The following ANK3 variants were observed in gnomAD, a reference collection of about 807,000 sequenced individuals.
ANK3 encodes the protein ankyrin 3.
Under a neutral mutation model 370.9 loss-of-function variants are expected in ANK3, and 57 were observed. That is an observed-to-expected ratio of 0.15 (90% confidence interval 0.12 to 0.19). The LOEUF is 0.19. ANK3 is among the 10% of genes least tolerant of loss of function. The pLI is 1.00. For missense variants in ANK3, 4,439 were observed against 5,302.1 expected (o/e 0.84, Z 5.06); for synonymous variants, 1,929 against 1,946.3 (o/e 0.99, Z 0.23).
chr10:60,402,960 G>A (rs184036068), intron 2 of ANK3, among the ~76,000 whole-genome samples: 1 of 152,168 alleles, frequency 6.6e-6, no homozygotes, highest in East Asian at 1.9e-4. Context: ...GCAAGTAACT[G>A]ATACCAAAAA....
chr10:60,555,266 GT>G (rs1168933739), intron 2 of ANK3, among the ~76,000 whole-genome samples: 1 of 152,104 alleles, frequency 6.6e-6, no homozygotes, highest in Non-Finnish European at 1.5e-5. Flanking sequence ...GAGGCCAGGA[GT>G]TCGGGGCCAG....
At chr10:60,158,997 T>A (rs982452102) in intron 23 of ANK3, among the ~76,000 whole-genome samples, 1 of 151,932 alleles carries the variant, frequency 6.6e-6, no homozygotes, top group Non-Finnish European at 1.5e-5. Flanking sequence ...ATCACTTTTA[T>A]ACAAAGAAAG....
rs142964077 is a variant in ANK3 at position 60,239,810 on chromosome 10, T to G, written c.799-5024A>C. Among the ~76,000 whole-genome samples the G allele has an allele frequency of 2.9e-3, 441 of 151,954 alleles. 3 individuals are homozygous for G. Among genetic ancestry groups the G allele is most frequent in the African/African-American group, 0.01 (423 of 41,450 alleles). On this transcript the variant is annotated intron_variant, in intron 7 of 43. Coordinates refer to ENST00000280772, the MANE Select transcript of ANK3 (RefSeq NM_020987.5). The stretch of plus-strand genomic sequence containing the variant: ...TAAAACGTATGACAACAACCACACA[T>G]AGATGAAAAGGAGAAACTGGAACTA...
At chr10:60,157,053 T>TTTC (rs1238314876) in intron 23 of ANK3, among the ~76,000 whole-genome samples, 2 of 151,386 alleles carry the variant, frequency 1.3e-5, no homozygotes, top group African/African-American at 4.9e-5. Context: ...TTTTTTTTTT[T>TTTC]CGAGATAGAG....
chr10:60,698,861 C>T (rs113254466), intron 1 of ANK3, among the ~76,000 whole-genome samples: 2,720 of 149,426 alleles, frequency 0.018, 78 homozygotes, highest in African/African-American at 0.063. Flanking sequence ...ATGTAACTAA[C>T]GTGCACATTG....
chr10:60,228,525 G>A (rs531539613), intron 8 of ANK3, among the ~76,000 whole-genome samples: 43 of 121,966 alleles, frequency 3.5e-4, no homozygotes, highest in Admixed American at 3.1e-3. Flanking sequence ...GAGTGAGACT[G>A]TGTCTCCAAA....
intron 2 of ANK3, among the ~76,000 whole-genome samples, chr10:60,466,847 T>C (rs910035203): frequency 2.0e-5 from 3 of 152,128 alleles, no homozygotes; most frequent in Non-Finnish European, 4.4e-5. Flanking sequence ...TATGTGAAAT[T>C]TGCATAATAA....
chr10:60,237,086 A>G (rs951494104), intron 7 of ANK3, among the ~76,000 whole-genome samples: 2 of 152,250 alleles, frequency 1.3e-5, no homozygotes, highest in African/African-American at 4.8e-5. Context: ...AACAGGTTAC[A>G]AAAGAGGAAG....
intron 41 of ANK3, 64 bp downstream of exon 41, chr10:60,059,276 G>A (rs1177101271): frequency 4.3e-6 from 6 of 1,379,700 alleles, no homozygotes; most frequent in Non-Finnish European, 6.2e-6. Context: ...TAAAAAGCAT[G>A]TATTTAAGAT....
At chr10:60,588,964 G>T (rs866814115) in intron 2 of ANK3, among the ~76,000 whole-genome samples, 27 of 152,060 alleles carry the variant, frequency 1.8e-4, no homozygotes, top group Non-Finnish European at 2.6e-4. Flanking sequence ...GGAAAGGGGA[G>T]AAAGAGGAGG....
chr10:60,695,347 C>G (rs1046405084), intron 1 of ANK3, among the ~76,000 whole-genome samples: 15 of 152,106 alleles, frequency 9.9e-5, no homozygotes, highest in Non-Finnish European at 2.1e-4. Context: ...ATCAACGAGA[C>G]AGAAAGTCAA....
chr10:60,074,943 C>T lies in ANK3; in HGVS notation c.5938G>A (p.Asp1980Asn). ...NKGSPKSPKS[D>N]KGHSPEDDWI... The stretch of plus-strand genomic sequence containing the variant: ...TCATCTTCAGGAGAGTGTCCTTTGT[C>T]ACTCTTTGGTGATTTGGGTGATCCT... The change falls in exon 37 of 44, where the codon GAC (aspartate) becomes AAC (asparagine). Residue 1980 changes from aspartate to asparagine, a missense_variant. Physicochemically the swap from Asp to Asn is conservative, Grantham distance 23. Around this residue, in one of 13 missense-constraint regions of ANK3, gnomAD observed 679 missense variants for 791.0 expected, o/e 0.86. Coordinates refer to ENST00000280772, the MANE Select transcript of ANK3 (RefSeq NM_020987.5). 6.2e-7 allele frequency: 1 copy of T among 1,614,088 alleles called. No homozygotes were observed. The highest frequency in any genetic ancestry group is 8.5e-7 in the Non-Finnish European group (1 of 1,180,000).
At chr10:60,238,193 G>C (rs1394870541) in intron 7 of ANK3, among the ~76,000 whole-genome samples, 1 of 152,134 alleles carries the variant, frequency 6.6e-6, no homozygotes. Context: ...CAATAAAAAT[G>C]TATCATGCCC....
At chr10:60,275,300 C>T (rs1592892459) in intron 4 of ANK3, among the ~76,000 whole-genome samples, 2 of 152,186 alleles carry the variant, frequency 1.3e-5, no homozygotes, top group South Asian at 2.1e-4. Context: ...TATAGTGGTG[C>T]TATTATAAGC....
chr10:60,120,209 G>A (rs1422386876), intron 25 of ANK3, among the ~76,000 whole-genome samples: 1 of 152,138 alleles, frequency 6.6e-6, no homozygotes, highest in East Asian at 1.9e-4. Flanking sequence ...ACGTACATTG[G>A]AGGAATAATA....
At chr10:60,303,252 A>AT in intron 1 of ANK3, among the ~76,000 whole-genome samples, 1 of 152,326 alleles carries the variant, frequency 6.6e-6, no homozygotes, top group Admixed American at 6.5e-5. Context: ...AAAGAAAACA[A>AT]TCAACGAAAT....
Position 60,181,352 on chromosome 10 carries a change from C to A in ANK3, c.2161G>T (p.Ala721Ser), listed in dbSNP as rs147329178. 301 of 1,614,188 alleles carry A rather than the reference C, an allele frequency of 1.9e-4. 1 individual carries two copies. The African/African-American group carries it at 3.5e-3, about 19-fold the overall frequency. ...ACCTTTGTCTGGGCGTCCACATGAGCCCCTTGGTTTACGAGGACTTCTGCC... is the reference window on the plus strand; with the variant it reads ...ACCTTTGTCTGGGCGTCCACATGAGACCCTTGGTTTACGAGGACTTCTGCC... The part of the protein sequence containing the change: ...NVAEVLVNQG[A>S]HVDAQTKMGY... The change falls in exon 18 of 44, where the codon GCT (alanine) becomes TCT (serine). Residue 721 changes from alanine (A) to serine (S), a missense_variant. Coordinates refer to ENST00000280772, the MANE Select transcript of ANK3 (RefSeq NM_020987.5).
chr10:60,522,841 A>G (rs2076379431), intron 2 of ANK3, among the ~76,000 whole-genome samples: 2 of 152,156 alleles, frequency 1.3e-5, no homozygotes, highest in Admixed American at 1.3e-4. Context: ...TGAGGAAACC[A>G]GTAAGACATT....
chr10:60,689,698 G>A (rs2079322098), intron 1 of ANK3, among the ~76,000 whole-genome samples: 1 of 149,116 alleles, frequency 6.7e-6, no homozygotes, highest in Admixed American at 6.8e-5. Flanking sequence ...GTTGCAGTGA[G>A]CCAAGATCAT....
Sources: gnomAD v4.1 joint callset for allele counts (sites outside exome capture counted in the v4.1 genomes callset) on GRCh38, gnomAD v4.1.1 for gene constraint, gnomAD v4.1.1 regional missense constraint, MANE v1.5 for transcripts, NCBI Gene and HGNC (gene_info 2026-07-23, HGNC 2026-07-21) for gene names.